Variants in NFATC2 observed in about 807,000 individuals in gnomAD.
NFATC2 encodes nuclear factor of activated T cells 2, also known as nuclear factor of activated T-cells, cytoplasmic 2.
A neutral mutation model predicts 87.3 loss-of-function variants in NFATC2; 22 were observed. The observed-to-expected ratio is 0.25, with a 90% CI of 0.18 to 0.36. The LOEUF (loss-of-function observed/expected upper bound fraction) is 0.36. Among genes scored for constraint, NFATC2 ranks in the 10% least tolerant of loss-of-function variants. The pLI is 1.00. For missense variants in NFATC2, 1,149 were observed against 1,259.1 expected (o/e 0.91, Z 1.32); for synonymous variants, 565 against 542.2 (o/e 1.04, Z -0.58).
At chr20:51,434,382 T>C (rs1983248105) in intron 8 of NFATC2, among the ~76,000 whole-genome samples, 1 of 152,212 alleles carries the variant, frequency 6.6e-6, no homozygotes, top group South Asian at 2.1e-4. Flanking sequence ...TCTTGGAAGG[T>C]AGCTAGCAGG....
At chr20:51,493,245 C>T (rs567921908) in intron 3 of NFATC2, among the ~76,000 whole-genome samples, 4 of 152,300 alleles carry the variant, frequency 2.6e-5, no homozygotes, top group Admixed American at 1.3e-4. Context: ...AGCACTTGTA[C>T]ATTTCATAGA....
chr20:51,397,308 G>A lies in NFATC2; in HGVS notation c.*44+1335C>T, dbSNP rs78425855. On this transcript the variant is annotated intron_variant, in intron 10 of 10. Coordinates refer to ENST00000371564, the MANE Select transcript of NFATC2 (RefSeq NM_012340.5). ...TCATCTTCTCCAGGGAAACCTGGCC[G>A]TACTTGAGTGAGGCTCAGTGAAAAG... Among the ~76,000 whole-genome samples, 377 of 152,284 alleles carry A rather than the reference G, an allele frequency of 2.5e-3. 1 individual carries two copies. The highest frequency in any genetic ancestry group is 8.5e-3 in the African/African-American group (353 of 41,542).
chr20:51,509,146 C>T (rs2076233005), intron 3 of NFATC2, among the ~76,000 whole-genome samples: 1 of 152,184 alleles, frequency 6.6e-6, no homozygotes, highest in African/African-American at 2.4e-5. Flanking sequence ...GTGGGCACCT[C>T]CTTCTTTGCC....
chr20:51,398,264 G>A (rs1265876198), intron 10 of NFATC2, among the ~76,000 whole-genome samples: 2 of 152,186 alleles, frequency 1.3e-5, no homozygotes, highest in African/African-American at 2.4e-5. Flanking sequence ...CCACTCTGCT[G>A]TTCCCCAGTG....
intron 2 of NFATC2, 105 bp from the exon 3 acceptor site, chr20:51,517,060 T>C: frequency 8.7e-7 from 1 of 1,150,874 alleles, no homozygotes; most frequent in Non-Finnish European, 1.2e-6. Context: ...TACAGTCATG[T>C]ATTGCTCAAC....
rs1176151497 is a variant in NFATC2 at position 51,480,212 on chromosome 20, C to G, written c.1333-4552G>C. ...CCAAGGCAGGAGAATCACTTGAACC[C>G]GGGGGTTGGAGGTGGCAGTGAGCCG... On this transcript the variant is annotated intron_variant, in intron 3 of 10. Coordinates refer to ENST00000371564, the MANE Select transcript of NFATC2 (RefSeq NM_012340.5). The surrounding 1 kb of genome is among the most constrained non-coding windows in gnomAD (Gnocchi z 4.2). 1.3e-5 allele frequency among the ~76,000 whole-genome samples: 2 copies of G among 151,980 alleles called. No homozygotes were observed. The highest frequency in any genetic ancestry group is 2.4e-5 in the African/African-American group (1 of 41,350).
chr20:51,542,695 G>GCGA lies in NFATC2; in HGVS notation c.-199_-197dup, dbSNP rs2076841735. On this transcript the variant is annotated 5_prime_UTR_variant, in exon 1 of 11. Transcript: ENST00000371564. ...CGCCCGGGGAAGCTGAGCGGCGGCG[G>GCGA]CGACGGCGGCGCGAGCTTCCTGCTC... 2 of 1,111,280 alleles carry GCGA rather than the reference G, an allele frequency of 1.8e-6. No homozygotes were observed. Among genetic ancestry groups the GCGA allele is most frequent in the African/African-American group, 1.7e-5 (1 of 59,896 alleles). The allele number at this position is 1,111,280 out of a possible 1,614,324, so 68.8% of individuals were successfully genotyped here. A position where few individuals can be genotyped will look rare whatever the true frequency, so the allele number is the denominator to read the frequency against.
At chr20:51,417,925 C>A (rs572909729) in intron 9 of NFATC2, among the ~76,000 whole-genome samples, 2 of 152,368 alleles carry the variant, frequency 1.3e-5, no homozygotes, top group South Asian at 4.1e-4. Flanking sequence ...CACATCACAG[C>A]ATCAGCCCTC....
intron 2 of NFATC2, among the ~76,000 whole-genome samples, chr20:51,517,873 C>A (rs62229857): frequency 0.048 from 7,231 of 150,094 alleles, 215 homozygotes; most frequent in Middle Eastern, 0.067. Context: ...GCTGAAATTG[C>A]GCCACTGCAC....
chr20:51,440,236 C>CAAAAAAAAAAAAAAAAA (rs34071345), intron 6 of NFATC2, among the ~76,000 whole-genome samples: 11 of 97,202 alleles, frequency 1.1e-4, no homozygotes, highest in South Asian at 3.4e-4. Context: ...AACTCCATCT[C>CAAAAAAAAAAAAAAAAA]AAAAAAAAAA....
chr20:51,512,867 G>A (rs6096454), intron 3 of NFATC2, among the ~76,000 whole-genome samples: 2,117 of 152,194 alleles, frequency 0.014, 52 homozygotes, highest in African/African-American at 0.048. Flanking sequence ...AGAAGCCGGC[G>A]GAAGCATTCA....
intron 9 of NFATC2, among the ~76,000 whole-genome samples, chr20:51,428,008 G>C (rs539773994): frequency 6.6e-6 from 1 of 152,282 alleles, no homozygotes; most frequent in South Asian, 2.1e-4. Flanking sequence ...ACAGTGTCCA[G>C]CACAGAGTAG....
At chr20:51,493,721 T>A (rs1034001894) in intron 3 of NFATC2, among the ~76,000 whole-genome samples, 1 of 152,078 alleles carries the variant, frequency 6.6e-6, no homozygotes, top group East Asian at 1.9e-4. Flanking sequence ...ACAGAGTCGA[T>A]CACATTGAGA....
chr20:51,388,269 G>A lies in NFATC2; in HGVS notation c.*3227C>T, dbSNP rs986289265. ...AATCACCTACTAAATTAGTTATTTTGGGGGGAGGATCTAGACACTTGATGA... is the reference window on the plus strand; with the variant it reads ...AATCACCTACTAAATTAGTTATTTTAGGGGGAGGATCTAGACACTTGATGA... On this transcript the variant is annotated 3_prime_UTR_variant, in exon 11 of 11. Coordinates refer to ENST00000371564, the MANE Select transcript of NFATC2 (RefSeq NM_012340.5). 2 of 152,102 alleles carry A rather than the reference G, an allele frequency of 1.3e-5. No homozygotes were observed. Among genetic ancestry groups the A allele is most frequent in the African/African-American group, 2.4e-5 (1 of 41,418 alleles). 9.4% of individuals were successfully genotyped at this position (152,102 alleles called of 1,614,324 possible).
chr20:51,459,882 AAAAC>A (rs1205570863), intron 5 of NFATC2, among the ~76,000 whole-genome samples: 4 of 152,220 alleles, frequency 2.6e-5, no homozygotes, highest in Non-Finnish European at 4.4e-5. Flanking sequence ...TCATCTCAAA[AAAAC>A]AAACAAAGAA....
Position 51,432,389 on chromosome 20 carries a change from G to A in NFATC2, c.2400C>T (p.Pro800=), listed in dbSNP as rs141718037. The A allele has an allele frequency of 3.1e-6, 5 of 1,609,282 alleles. No individual in the cohort carries two copies. The highest frequency in any genetic ancestry group is 1.7e-5 in the Admixed American group (1 of 59,824). The change falls in exon 9 of 11, where the codon CCC becomes CCT. Residue 800 remains proline (P), a synonymous_variant. Coordinates refer to ENST00000371564, the MANE Select transcript of NFATC2 (RefSeq NM_012340.5). The surrounding 1 kb of genome is among the most constrained non-coding windows in gnomAD (Gnocchi z 4.6). ...SQGQSSALLH[P]SPTNQQASPV... is the part of the protein sequence containing the mutation. ...GCGAGGCCTGCTGGTTGGTCGGAGA[G>A]GGGTGGAGCAGGGCTGAGCTCTGGC...
At chr20:51,479,563 T>C (rs1385836538) in intron 3 of NFATC2, among the ~76,000 whole-genome samples, 12 of 152,206 alleles carry the variant, frequency 7.9e-5, no homozygotes, top group Non-Finnish European at 1.5e-5. Flanking sequence ...GAGGCTACAG[T>C]GAGCCACAAT....
chr20:51,433,895 C>G (rs1983170909), intron 8 of NFATC2, among the ~76,000 whole-genome samples: 1 of 152,030 alleles, frequency 6.6e-6, no homozygotes, highest in African/African-American at 2.4e-5. Flanking sequence ...CAAAGGCCAT[C>G]ACCTCACTCC....
intron 1 of NFATC2, among the ~76,000 whole-genome samples, chr20:51,534,023 T>G (rs1297172439): frequency 6.6e-6 from 1 of 152,118 alleles, no homozygotes; most frequent in African/African-American, 2.4e-5. Flanking sequence ...TCCAGAGATA[T>G]TCCTATTTTT....
Sources: gnomAD v4.1 joint callset for allele counts (sites outside exome capture counted in the v4.1 genomes callset) on GRCh38, gnomAD v4.1.1 for gene constraint, Gnocchi (gnomAD v3.1) non-coding constraint, MANE v1.5 for transcripts, NCBI Gene and HGNC (gene_info 2026-07-23, HGNC 2026-07-21) for gene names.